The following INPP1 variants were observed in gnomAD, a reference collection of about 807,000 sequenced individuals.
INPP1 encodes the protein inositol polyphosphate 1-phosphatase.
In INPP1, 18 loss-of-function variants were observed where a neutral mutation model predicts 23.0. That is an observed-to-expected ratio of 0.78 (90% CI 0.54 to 1.16). INPP1 has a LOEUF of 1.16. INPP1 is among the 50% of genes most tolerant of loss of function. The pLI, the probability that INPP1 is intolerant of heterozygous loss-of-function variation, is 0.00. For synonymous variants in INPP1, 164 were observed against 176.3 expected (o/e 0.93, Z 0.55); for missense variants, 448 against 482.1 (o/e 0.93, Z 0.66).
At chr2:190,347,802 CT>C (rs751878380) in intron 1 of INPP1, among the ~76,000 whole-genome samples, 40 of 152,148 alleles carry the variant, frequency 2.6e-4, no homozygotes, top group Non-Finnish European at 4.9e-4. Flanking sequence ...GAAAGCATAA[CT>C]TAAATTGATG....
intron 2 of INPP1, among the ~76,000 whole-genome samples, chr2:190,351,183 A>G (rs1689317943): frequency 4.6e-5 from 7 of 152,284 alleles, no homozygotes; most frequent in Admixed American, 4.6e-4. Flanking sequence ...ACCAATGCAT[A>G]GAGTGTTGGA....
chr2:190,343,826 G>C lies in INPP1; in HGVS notation c.-344G>C, dbSNP rs1202878795. ...TCCCCAACCCTCGTCCTCTGGCCGCGCCTGCGGCCGCACGCCCAGCGCCCC... is the reference window on the plus strand; with the variant it reads ...TCCCCAACCCTCGTCCTCTGGCCGCCCCTGCGGCCGCACGCCCAGCGCCCC... On this transcript the variant is annotated 5_prime_UTR_variant, in exon 1 of 7. Coordinates refer to ENST00000392329, the MANE Select transcript of INPP1 (RefSeq NM_001128928.2). 6.2e-6 allele frequency: 1 copy of C among 161,028 alleles called. No homozygotes were observed. The highest frequency in any genetic ancestry group is 2.4e-5 in the African/African-American group (1 of 41,510). 10.0% of individuals were successfully genotyped at this position (161,028 alleles called of 1,614,324 possible). A position where few individuals can be genotyped will look rare whatever the true frequency, so the allele number is the denominator to read the frequency against.
At chr2:190,358,351 A>C (rs1689465466) in intron 2 of INPP1, among the ~76,000 whole-genome samples, 1 of 152,102 alleles carries the variant, frequency 6.6e-6, no homozygotes. Flanking sequence ...TGCTGGGATT[A>C]CAGGCATGAG....
At position 190,362,694 on chromosome 2, in the gene INPP1, A is replaced by T; in HGVS notation, c.265+7A>T. On this transcript the variant is annotated splice_region_variant and intron_variant, in intron 4 of 6. Transcript: ENST00000392329. Reference sequence around the variant, plus strand: ...GAGTTTACTAATGACTGGGGTAAGTATAAGAATCTTAATGTGTCTTTGTAA... The same window carrying T: ...GAGTTTACTAATGACTGGGGTAAGTTTAAGAATCTTAATGTGTCTTTGTAA... 1 of 1,547,628 alleles carries T rather than the reference A, an allele frequency of 6.5e-7. No individual in the cohort carries two copies. The highest frequency in any genetic ancestry group is 1.1e-5 in the South Asian group (1 of 87,094).
Position 190,366,748 on chromosome 2 carries a change from C to T in INPP1, c.319C>T (p.Leu107Phe), listed in dbSNP as rs1689685265. 6.2e-7 allele frequency: 1 copy of T among 1,613,594 alleles called. No individual in the cohort carries two copies. Among genetic ancestry groups the T allele is most frequent in the African/African-American group, 1.3e-5 (1 of 74,922 alleles). The change falls in exon 5 of 7, where the codon CTT becomes TTT. Residue 107 changes from leucine (L) to phenylalanine (F), a missense_variant. By Grantham distance (22) the Leu-to-Phe change is conservative. Coordinates refer to ENST00000392329, the MANE Select transcript of INPP1 (RefSeq NM_001128928.2). The stretch of plus-strand genomic sequence containing the variant: ...AACAGAGGAGGAAACAGCAGAGCTT[C>T]TTAGCAAAGTCCTCAATGGTAACAA... The part of the protein sequence containing the change: ...CSTEEETAEL[L>F]SKVLNGNKVA...
rs1354613148 is a variant in INPP1, at chr2:190,343,693, A to G, written c.-477A>G. The G allele has an allele frequency of 6.6e-6, 1 of 152,044 alleles. No homozygotes were observed. Among genetic ancestry groups the G allele is most frequent in the Non-Finnish European group, 1.5e-5 (1 of 67,994 alleles). 9.4% of individuals were successfully genotyped at this position (152,044 alleles called of 1,614,324 possible). On this transcript the variant is annotated 5_prime_UTR_variant, in exon 1 of 7. Coordinates refer to ENST00000392329, the MANE Select transcript of INPP1 (RefSeq NM_001128928.2). ...GTTTCCACGCCGCGGTCCCGCGGGA[A>G]AGCCGGGGGCGGCGGCCTGGCTGAG...
intron 2 of INPP1, among the ~76,000 whole-genome samples, chr2:190,357,909 C>CTAG (rs1415829186): frequency 1.3e-5 from 2 of 152,140 alleles, no homozygotes; most frequent in Admixed American, 6.5e-5. Context: ...ACTACTGAGA[C>CTAG]TAGACATATT....
At chr2:190,353,833 T>A (rs1689367908) in intron 2 of INPP1, among the ~76,000 whole-genome samples, 1 of 152,216 alleles carries the variant, frequency 6.6e-6, no homozygotes, top group Non-Finnish European at 1.5e-5. Context: ...TTTTTAAACC[T>A]CTGATGTTCT....
At position 190,366,913 on chromosome 2, in the gene INPP1, T is replaced by A; in HGVS notation, c.466+18T>A. The A allele has an allele frequency of 6.5e-7, 1 of 1,534,482 alleles. No homozygotes were observed. Among genetic ancestry groups the A allele is most frequent in the Non-Finnish European group, 9.0e-7 (1 of 1,108,454 alleles). ...CCCCATAGGTAAGTATAGGAAAGTATGTTTGTTCTTATTTGCAATCTTTTT... is the reference window on the plus strand; with the variant it reads ...CCCCATAGGTAAGTATAGGAAAGTAAGTTTGTTCTTATTTGCAATCTTTTT... On this transcript the variant is annotated intron_variant, in intron 5 of 6. Coordinates refer to ENST00000392329, the MANE Select transcript of INPP1 (RefSeq NM_001128928.2).
chr2:190,366,637 G>C (rs1246283877), intron 4 of INPP1, 58 bp from the exon 5 acceptor site: 12 of 1,214,130 alleles, frequency 9.9e-6, no homozygotes, highest in East Asian at 4.7e-5. Context: ...CTCTCTCTCT[G>C]TTCTTTCTCC....
intron 2 of INPP1, 49 bp downstream of exon 2, chr2:190,349,080 A>C (rs1367577150): frequency 6.6e-6 from 1 of 152,252 alleles, no homozygotes; most frequent in Non-Finnish European, 1.5e-5. Context: ...CATGAGTTCT[A>C]AAGGAAAGAT....
At chr2:190,365,876 T>A (rs1689638250) in intron 4 of INPP1, among the ~76,000 whole-genome samples, 1 of 149,810 alleles carries the variant, frequency 6.7e-6, no homozygotes. Context: ...TCTCTCTTGC[T>A]CTGTCTCTCT....
At position 190,355,248 on chromosome 2, in the gene INPP1, T is replaced by C. The variant is rs1198820447; in HGVS notation, c.-64-4791T>C. ...GTTATATAAGAATTAAATGAGTTAA[T>C]ACATGTAAGGTGCCTAGAAGGATGC... On this transcript the variant is annotated intron_variant, in intron 2 of 6. Coordinates refer to ENST00000392329, the MANE Select transcript of INPP1 (RefSeq NM_001128928.2). This position sits in a 1 kb window ranked among gnomAD's most constrained non-coding sequence, Gnocchi z 5.1. Among the ~76,000 whole-genome samples the C allele has an allele frequency of 6.6e-6, 1 of 152,204 alleles. No individual in the cohort carries two copies. The highest frequency in any genetic ancestry group is 1.5e-5 in the Non-Finnish European group (1 of 68,028).
At position 190,367,982 on chromosome 2, in the gene INPP1, G is replaced by A. The variant is rs1214505199; in HGVS notation, c.466+1087G>A. Among the ~76,000 whole-genome samples the A allele has an allele frequency of 6.6e-6, 1 of 152,070 alleles. No individual in the cohort carries two copies. The highest frequency in any genetic ancestry group is 1.9e-4 in the East Asian group (1 of 5,196). On this transcript the variant is annotated intron_variant, in intron 5 of 6. Transcript: ENST00000392329. The surrounding 1 kb of genome is among the most constrained non-coding windows in gnomAD (Gnocchi z 4.1). Reference sequence around the variant, plus strand: ...CACAATGGGACCATTCAAGGACCAGGCAAACTCCTCTCTGGGCCCTTCCCA... The same window carrying A: ...CACAATGGGACCATTCAAGGACCAGACAAACTCCTCTCTGGGCCCTTCCCA...
At chr2:190,348,634 T>G (rs1025834203) in intron 1 of INPP1, among the ~76,000 whole-genome samples, 2 of 152,238 alleles carry the variant, frequency 1.3e-5, no homozygotes, top group South Asian at 2.1e-4. Context: ...AGTGGAATCA[T>G]AGAGTATTTG....
chr2:190,344,050 G>C (rs1370272995), intron 1 of INPP1, 89 bp downstream of exon 1: 2 of 327,612 alleles, frequency 6.1e-6, no homozygotes, highest in Admixed American at 8.1e-5. Flanking sequence ...GCTGGTGAGC[G>C]GCGCGCGCCG....
intron 4 of INPP1, among the ~76,000 whole-genome samples, chr2:190,366,426 TC>T (rs1689673748): frequency 1.5e-4 from 21 of 144,392 alleles, no homozygotes; most frequent in Admixed American, 1.4e-3. Flanking sequence ...TCTGTCTCAC[TC>T]TGTCTCACTC....
intron 2 of INPP1, among the ~76,000 whole-genome samples, chr2:190,359,026 G>GCAGTGGCTCACACCTGTAGTCC (rs1559082268): frequency 6.6e-6 from 1 of 152,078 alleles, no homozygotes; most frequent in East Asian, 1.9e-4. Context: ...GAGGCTGGGC[G>GCAGTGGCTCACACCTGTAGTCC]CAGTGGCTCA....
At chr2:190,365,223 A>G (rs1689620704) in intron 4 of INPP1, 1 of 168,314 alleles carries the variant, frequency 5.9e-6, no homozygotes, top group Non-Finnish European at 1.5e-5. Flanking sequence ...GTTTCATTTG[A>G]AGAAGCAGCT....
Sources: gnomAD v4.1 joint callset for allele counts (sites outside exome capture counted in the v4.1 genomes callset) on GRCh38, gnomAD v4.1.1 for gene constraint, Gnocchi (gnomAD v3.1) non-coding constraint, MANE v1.5 for transcripts, NCBI Gene and HGNC (gene_info 2026-07-23, HGNC 2026-07-21) for gene names.